KIRREL3: variants seen among roughly 807,000 people sequenced by gnomAD.
The protein encoded by KIRREL3 is kin of IRRE-like protein 3.
Under a neutral mutation model 89.7 loss-of-function variants are expected in KIRREL3, and 36 were observed. That is an observed-to-expected ratio of 0.40 (90% CI 0.31 to 0.53). KIRREL3 has a LOEUF of 0.53. Ranked by LOEUF, KIRREL3 falls within the 20% of genes least tolerant of loss-of-function variation. KIRREL3 has a pLI of 0.49. For synonymous variants in KIRREL3, 445 were observed against 441.4 expected (o/e 1.01, Z -0.10); for missense variants, 864 against 1,056.6 (o/e 0.82, Z 2.53).
chr11:126,467,703 T>C (rs1956771991), intron 5 of KIRREL3, among the ~76,000 whole-genome samples: 2 of 151,908 alleles, frequency 1.3e-5, no homozygotes, highest in African/African-American at 4.8e-5. Context: ...CATGGGCTGG[T>C]TGCCACCTGG....
chr11:126,619,370 A>G (rs995651977), intron 1 of KIRREL3, among the ~76,000 whole-genome samples: 1 of 152,220 alleles, frequency 6.6e-6, no homozygotes, highest in African/African-American at 2.4e-5. Context: ...GGCGGAAGCC[A>G]GATGGTGTAG....
Position 126,953,606 on chromosome 11 carries a change from G to A in KIRREL3, c.55+46849C>T, listed in dbSNP as rs1948833478. On this transcript the variant is annotated intron_variant, in intron 1 of 16. Coordinates refer to ENST00000525144, the MANE Select transcript of KIRREL3 (RefSeq NM_032531.4). This position sits in a 1 kb window ranked among gnomAD's most constrained non-coding sequence, Gnocchi z 5.2. ...GGATCAAATACACACACACACACTT[G>A]GGAGAGATAGAGAGACAGAGAGAGA... is the stretch of plus-strand genomic sequence containing the variant. Among the ~76,000 whole-genome samples, 1 of 86,694 alleles carries A rather than the reference G, an allele frequency of 1.2e-5. No individual in the cohort carries two copies. The highest frequency in any genetic ancestry group is 5.1e-5 in the African/African-American group (1 of 19,712). The allele number at this position is 86,694 out of a possible 152,430, so 56.9% of individuals were successfully genotyped here.
intron 1 of KIRREL3, among the ~76,000 whole-genome samples, chr11:126,779,301 C>T (rs958340173): frequency 2.2e-4 from 34 of 152,290 alleles, no homozygotes; most frequent in African/African-American, 8.2e-4. Flanking sequence ...CAGGTCCCAG[C>T]CATGCTCTCC....
rs565216354 is a variant in KIRREL3 at position 126,643,997 on chromosome 11, G to A, written c.56-81085C>T. 3.3e-5 allele frequency among the ~76,000 whole-genome samples: 5 copies of A among 152,184 alleles called. No homozygotes were observed. The highest frequency in any genetic ancestry group is 1.3e-4 in the Admixed American group (2 of 15,284). The stretch of plus-strand genomic sequence containing the variant: ...AGTTAGGGACCTTGTAGGAAACCAC[G>A]TGCAGATGCTCAGTCTAGCTGGAAC... On this transcript the variant is annotated intron_variant, in intron 1 of 16. Coordinates refer to ENST00000525144, the MANE Select transcript of KIRREL3 (RefSeq NM_032531.4). This position sits in a 1 kb window ranked among gnomAD's most constrained non-coding sequence, Gnocchi z 4.5.
chr11:126,865,487 G>A (rs1192385761), intron 1 of KIRREL3, among the ~76,000 whole-genome samples: 1 of 152,226 alleles, frequency 6.6e-6, no homozygotes, highest in Non-Finnish European at 1.5e-5. Flanking sequence ...ACAATGCCCC[G>A]GTGCTTGCAC....
rs1951631495 is a variant in KIRREL3, at chr11:126,817,975, G to A, written c.55+182480C>T. 6.6e-6 allele frequency among the ~76,000 whole-genome samples: 1 copy of A among 152,232 alleles called. No homozygotes were observed. Among genetic ancestry groups the A allele is most frequent in the Non-Finnish European group, 1.5e-5 (1 of 68,044 alleles). ...CTTCAGCAGGAGGAGAGGCTCAAAT[G>A]AGCCCAAGCTGATTAAGGAAGTGGC... On this transcript the variant is annotated intron_variant, in intron 1 of 16. Transcript: ENST00000525144. This position sits in a 1 kb window ranked among gnomAD's most constrained non-coding sequence, Gnocchi z 5.7.
rs192201201 is a variant in KIRREL3, at chr11:126,532,444, C to T, written c.134-5757G>A. On this transcript the variant is annotated intron_variant, in intron 2 of 16. Transcript: ENST00000525144. Reference sequence around the variant, plus strand: ...AGGATGGAGTGCAATGGTGTGTTCTCGGCTCACTGCAACCTCCCCCTCCTG... The same window carrying T: ...AGGATGGAGTGCAATGGTGTGTTCTTGGCTCACTGCAACCTCCCCCTCCTG... Among the ~76,000 whole-genome samples the T allele has an allele frequency of 3.8e-3, 581 of 152,168 alleles. 2 individuals are homozygous for T. The highest frequency in any genetic ancestry group is 0.013 in the African/African-American group (559 of 41,518).
In KIRREL3 at chr11:126,655,437, C is replaced by T. The variant is rs932159969; in HGVS notation, c.56-92525G>A. Among the ~76,000 whole-genome samples, 38 of 152,232 alleles carry T rather than the reference C, an allele frequency of 2.5e-4. No individual in the cohort carries two copies. The highest frequency in any genetic ancestry group is 2.5e-4 in the Non-Finnish European group (17 of 68,016). ...TCCCTGAAAAGCCTGCCTCTTTTCT[C>T]CTTCACCCCTCCACTCCCCCCACAA... On this transcript the variant is annotated intron_variant, in intron 1 of 16. Transcript: ENST00000525144. The surrounding 1 kb of genome is among the most constrained non-coding windows in gnomAD (Gnocchi z 5.0).
In KIRREL3 at chr11:126,996,428, C is replaced by T. The variant is rs959935286; in HGVS notation, c.55+4027G>A. Reference sequence around the variant, plus strand: ...TATGATCCCTCCATTCTTTAGGCCACCTCTGATGTGTTCAGGCTCTCTTCC... The same window carrying T: ...TATGATCCCTCCATTCTTTAGGCCATCTCTGATGTGTTCAGGCTCTCTTCC... On this transcript the variant is annotated intron_variant, in intron 1 of 16. Transcript: ENST00000525144. The surrounding 1 kb of genome is among the most constrained non-coding windows in gnomAD (Gnocchi z 4.7). 2.0e-5 allele frequency among the ~76,000 whole-genome samples: 3 copies of T among 152,188 alleles called. No homozygotes were observed. The highest frequency in any genetic ancestry group is 7.2e-5 in the African/African-American group (3 of 41,440).
rs544084472 is a variant in KIRREL3 at position 126,640,709 on chromosome 11, C to T, written c.56-77797G>A. On this transcript the variant is annotated intron_variant, in intron 1 of 16. Coordinates refer to ENST00000525144, the MANE Select transcript of KIRREL3 (RefSeq NM_032531.4). This position sits in a 1 kb window ranked among gnomAD's most constrained non-coding sequence, Gnocchi z 4.9. Reference sequence around the variant, plus strand: ...CTGAATCTGGAATGAACCATGGGACCCTTGGGTTGAAGACTATGCCTAACT... The same window carrying T: ...CTGAATCTGGAATGAACCATGGGACTCTTGGGTTGAAGACTATGCCTAACT... Among the ~76,000 whole-genome samples, 1 of 152,070 alleles carries T rather than the reference C, an allele frequency of 6.6e-6. No individual in the cohort carries two copies. The highest frequency in any genetic ancestry group is 6.5e-5 in the Admixed American group (1 of 15,272).
chr11:126,499,659 G>A (rs898030196), intron 4 of KIRREL3, among the ~76,000 whole-genome samples: 5 of 152,228 alleles, frequency 3.3e-5, no homozygotes, highest in African/African-American at 1.2e-4. Context: ...GGCAGGGTGG[G>A]CGTCTATCTT....
At chr11:126,554,475 C>G (rs1038200923) in intron 2 of KIRREL3, among the ~76,000 whole-genome samples, 2 of 152,206 alleles carry the variant, frequency 1.3e-5, no homozygotes, top group Admixed American at 6.5e-5. Context: ...AATCACATCC[C>G]TTTCCTGAGT....
At chr11:126,559,359 G>A (rs990510269) in intron 2 of KIRREL3, among the ~76,000 whole-genome samples, 19 of 152,286 alleles carry the variant, frequency 1.2e-4, no homozygotes, top group African/African-American at 4.3e-4. Context: ...AAAGTTGAGC[G>A]ACTACTCCCT....
At chr11:126,885,120 T>C (rs1592280693) in intron 1 of KIRREL3, among the ~76,000 whole-genome samples, 1 of 152,178 alleles carries the variant, frequency 6.6e-6, no homozygotes, top group East Asian at 1.9e-4. Flanking sequence ...GAGAGGAATA[T>C]GATGCCCACA....
At chr11:126,749,592 C>T (rs911816716) in intron 1 of KIRREL3, among the ~76,000 whole-genome samples, 15 of 151,936 alleles carry the variant, frequency 9.9e-5, no homozygotes, top group African/African-American at 3.4e-4. Flanking sequence ...GACTTCTTTA[C>T]CAAAGTCTTC....
In KIRREL3 at chr11:126,870,740, C is replaced by A. The variant is rs149853572; in HGVS notation, c.55+129715G>T. ...GAGTCCAAGAGGTCACGAGGCATAC[C>A]CAGCTCCTGCCATTACAGAGGAGGA... is the stretch of plus-strand genomic sequence containing the variant. On this transcript the variant is annotated intron_variant, in intron 1 of 16. Coordinates refer to ENST00000525144, the MANE Select transcript of KIRREL3 (RefSeq NM_032531.4). This position sits in a 1 kb window ranked among gnomAD's most constrained non-coding sequence, Gnocchi z 4.4. 7.9e-5 allele frequency among the ~76,000 whole-genome samples: 12 copies of A among 152,208 alleles called. No homozygotes were observed. The highest frequency in any genetic ancestry group is 1.8e-4 in the Non-Finnish European group (12 of 68,038).
rs61217908 is a variant in KIRREL3 at position 126,663,182 on chromosome 11, C to CTTTTT, written c.56-100275_56-100271dup. 2.6e-3 allele frequency among the ~76,000 whole-genome samples: 233 copies of CTTTTT among 90,782 alleles called. 2 individuals are homozygous for CTTTTT. Among genetic ancestry groups the CTTTTT allele is most frequent in the Non-Finnish European group, 3.3e-3 (160 of 48,108 alleles). The allele number at this position is 90,782 out of a possible 152,430, so 59.6% of individuals were successfully genotyped here. Reference sequence around the variant, plus strand: ...GGGGAGGTTTTGATATCATGTCTGGCTTTTTTTTTTTTTTTTTTTTTGAGA... The same window carrying CTTTTT: ...GGGGAGGTTTTGATATCATGTCTGGCTTTTTTTTTTTTTTTTTTTTTTTTTTGAGA... On this transcript the variant is annotated intron_variant, in intron 1 of 16. Coordinates refer to ENST00000525144, the MANE Select transcript of KIRREL3 (RefSeq NM_032531.4).
chr11:126,881,835 A>T (rs1358423005), intron 1 of KIRREL3, among the ~76,000 whole-genome samples: 1 of 152,212 alleles, frequency 6.6e-6, no homozygotes, highest in Non-Finnish European at 1.5e-5. Flanking sequence ...GATGTGAGCC[A>T]CTGAGCCCGG....
At chr11:126,577,444 G>A (rs1941312302) in intron 1 of KIRREL3, among the ~76,000 whole-genome samples, 1 of 151,926 alleles carries the variant, frequency 6.6e-6, no homozygotes, top group Non-Finnish European at 1.5e-5. Context: ...CTGGCAACCA[G>A]CATCCTAGAA....
Sources: gnomAD v4.1 joint callset for allele counts (sites outside exome capture counted in the v4.1 genomes callset) on GRCh38, gnomAD v4.1.1 for gene constraint, Gnocchi (gnomAD v3.1) non-coding constraint, MANE v1.5 for transcripts, NCBI Gene and HGNC (gene_info 2026-07-23, HGNC 2026-07-21) for gene names.